Variants in PRRC2B observed in about 807,000 individuals in gnomAD.
PRRC2B encodes the protein proline rich coiled-coil 2B.
Under a neutral mutation model 242.3 loss-of-function variants are expected in PRRC2B, and 68 were observed. That is an observed-to-expected ratio of 0.28 (90% confidence interval 0.23 to 0.34). PRRC2B has a LOEUF of 0.34. Ranked by LOEUF, PRRC2B falls within the 10% of genes least tolerant of loss-of-function variation. PRRC2B has a pLI of 1.00. For synonymous variants in PRRC2B, 1,228 were observed against 1,173.6 expected, an observed-to-expected ratio of 1.05 and a Z score of -0.95; for missense variants, 2,835 against 2,954.8, an observed-to-expected ratio of 0.96 and a Z score of 0.94.
rs777138764 is a variant in PRRC2B, at chr9:131,470,935, C to G, written c.2059C>G (p.Pro687Ala). 2 of 1,612,348 alleles carry G rather than the reference C, an allele frequency of 1.2e-6. No individual in the cohort carries two copies. The highest frequency in any genetic ancestry group is 3.3e-5 in the Admixed American group (2 of 59,758). ...TTCCTACATGGACCCACGTATCACGCCCACTCGGACCCCGGTGGACTTCTA... is the reference window on the plus strand; with the variant it reads ...TTCCTACATGGACCCACGTATCACGGCCACTCGGACCCCGGTGGACTTCTA... ...MPSYMDPRIT[P>A]TRTPVDFYPS... The change falls in exon 14 of 32, where the codon CCC becomes GCC. Residue 687 changes from proline (P) to alanine (A), a missense_variant. Pro to Ala is a conservative substitution (Grantham distance 27). Coordinates refer to ENST00000683519, the MANE Select transcript of PRRC2B (RefSeq NM_013318.4).
chr9:131,390,305 C>G (rs1199445321), upstream of PRRC2B, among the ~76,000 whole-genome samples: 1 of 149,806 alleles, frequency 6.7e-6, no homozygotes, highest in African/African-American at 2.4e-5. Context: ...AGTGCAGGTG[C>G]CCAGTGAATG....
At position 131,476,593 on chromosome 9, in the gene PRRC2B, T is replaced by A. The variant is rs1167783302; in HGVS notation, c.4406+58T>A. 6.7e-6 allele frequency: 10 copies of A among 1,485,174 alleles called. No individual in the cohort carries two copies. The East Asian group carries it at 2.1e-4, about 31-fold the overall frequency. 92.0% of individuals were successfully genotyped at this position (1,485,174 alleles called of 1,614,324 possible). On this transcript the variant is annotated intron_variant, in intron 16 of 31. Transcript: ENST00000683519. ...TGTTGTGTTCTGTTCTCAGCAGCAC[T>A]GAGTTCACGCATGCATGCCGATGCC...
intron 4 of PRRC2B, among the ~76,000 whole-genome samples, chr9:131,438,462 A>T (rs1423532522): frequency 6.6e-6 from 1 of 152,118 alleles, no homozygotes; most frequent in African/African-American, 2.4e-5. Flanking sequence ...TAGGGTTCTC[A>T]GGAGGGGAGC....
chr9:131,416,896 G>T (rs1245286034), intron 1 of PRRC2B, among the ~76,000 whole-genome samples: 2 of 152,120 alleles, frequency 1.3e-5, no homozygotes, highest in Non-Finnish European at 2.9e-5. Context: ...TATTTCATGG[G>T]TGTGGTATCT....
chr9:131,388,239 C>CTTTTTT (rs536012324), intron 1 of PRRC2B, among the ~76,000 whole-genome samples: 5 of 121,114 alleles, frequency 4.1e-5, no homozygotes, highest in African/African-American at 5.9e-5. Context: ...TTTACTTTTA[C>CTTTTTT]TTTTTTTTTT....
intron 1 of PRRC2B, among the ~76,000 whole-genome samples, chr9:131,395,607 C>T (rs1289939839): frequency 6.6e-6 from 1 of 152,186 alleles, no homozygotes; most frequent in Non-Finnish European, 1.5e-5. Flanking sequence ...GTGGTTCCTC[C>T]TACGGTTGTT....
In PRRC2B at chr9:131,397,381, C is replaced by T. The variant is rs147661773; in HGVS notation, c.-52+3118C>T. 9.2e-3 allele frequency among the ~76,000 whole-genome samples: 1,396 copies of T among 152,250 alleles called. 26 individuals carry two copies. The highest frequency in any genetic ancestry group is 0.032 in the African/African-American group (1,346 of 41,544). Reference sequence around the variant, plus strand: ...TGGGGAAGGAAGAGCCAGGAAACCTCGGGAGAGTGGAATTTCAGGAATGGC... The same window carrying T: ...TGGGGAAGGAAGAGCCAGGAAACCTTGGGAGAGTGGAATTTCAGGAATGGC... On this transcript the variant is annotated intron_variant, in intron 1 of 31. Transcript: ENST00000683519.
chr9:131,392,029 C>T (rs547813072), upstream of PRRC2B, among the ~76,000 whole-genome samples: 1 of 152,206 alleles, frequency 6.6e-6, no homozygotes, highest in South Asian at 2.1e-4. Flanking sequence ...GGGTGAGCCA[C>T]CACGCTTGGC....
intron 1 of PRRC2B, among the ~76,000 whole-genome samples, chr9:131,379,877 G>C (rs1156497790): frequency 6.6e-6 from 1 of 151,452 alleles, no homozygotes; most frequent in Non-Finnish European, 1.5e-5. Flanking sequence ...ACCCGCCTCA[G>C]CCTCCCAAAG....
intron 28 of PRRC2B, among the ~76,000 whole-genome samples, chr9:131,489,935 T>C (rs1407384208): frequency 6.6e-6 from 1 of 151,798 alleles, no homozygotes; most frequent in Non-Finnish European, 1.5e-5. Context: ...CTCCTCAGTC[T>C]CCTTTGCTGT....
Position 131,491,836 on chromosome 9 carries a change from T to C in PRRC2B, c.6381+256T>C, listed in dbSNP as rs1229206125. On this transcript the variant is annotated intron_variant, in intron 29 of 31. Coordinates refer to ENST00000683519, the MANE Select transcript of PRRC2B (RefSeq NM_013318.4). ...CCCTGCTATGGACGGCCATGTTTCA[T>C]TGGCTCTCCCACTTCACTTTAAAAA... 3.3e-5 allele frequency among the ~76,000 whole-genome samples: 5 copies of C among 152,192 alleles called. No individual in the cohort carries two copies. The East Asian group carries it at 7.7e-4, about 23-fold the overall frequency.
chr9:131,422,758 G>T (rs535580596), intron 1 of PRRC2B, among the ~76,000 whole-genome samples: 4 of 152,306 alleles, frequency 2.6e-5, no homozygotes, highest in South Asian at 2.1e-4. Context: ...CGTTGTTGGC[G>T]AATCTTTCTG....
At chr9:131,400,970 T>C (rs1467303295) in intron 1 of PRRC2B, among the ~76,000 whole-genome samples, 1 of 151,382 alleles carries the variant, frequency 6.6e-6, no homozygotes, top group Non-Finnish European at 1.5e-5. Flanking sequence ...TTTCTTTTTT[T>C]TTTTTTTTGA....
intron 1 of PRRC2B, among the ~76,000 whole-genome samples, chr9:131,388,990 G>T (rs1268802067): frequency 6.7e-6 from 1 of 148,820 alleles, no homozygotes; most frequent in Non-Finnish European, 1.5e-5. Context: ...ACAAGTGCAT[G>T]CCGCCACTCC....
At position 131,496,076 on chromosome 9, in the gene PRRC2B, T is replaced by C. The variant is rs1403375508; in HGVS notation, c.*202T>C. On this transcript the variant is annotated 3_prime_UTR_variant, in exon 32 of 32. Coordinates refer to ENST00000683519, the MANE Select transcript of PRRC2B (RefSeq NM_013318.4). ...GATATATGGCATTGACCCGCTTGCTTTGATACGAAACAAAAAAGCAGACGA... is the reference window on the plus strand; with the variant it reads ...GATATATGGCATTGACCCGCTTGCTCTGATACGAAACAAAAAAGCAGACGA... 1 of 655,446 alleles carries C rather than the reference T, an allele frequency of 1.5e-6. No individual in the cohort carries two copies. Among genetic ancestry groups the C allele is most frequent in the African/African-American group, 1.8e-5 (1 of 54,992 alleles). The allele number at this position is 655,446 out of a possible 1,614,324, so 40.6% of individuals were successfully genotyped here.
At chr9:131,417,730 CT>C (rs1384672691) in intron 1 of PRRC2B, among the ~76,000 whole-genome samples, 1 of 152,140 alleles carries the variant, frequency 6.6e-6, no homozygotes, top group African/African-American at 2.4e-5. Context: ...CAGAAGCCCC[CT>C]GTATTCTAAA....
At chr9:131,374,130 C>A (rs928389251) in intron 1 of PRRC2B, among the ~76,000 whole-genome samples, 3 of 151,708 alleles carry the variant, frequency 2.0e-5, no homozygotes, top group African/African-American at 7.3e-5. Context: ...ATTTCAGTCA[C>A]CCTGATTCGT....
intron 1 of PRRC2B, among the ~76,000 whole-genome samples, chr9:131,381,488 G>A (rs1295533393): frequency 1.5e-4 from 22 of 142,064 alleles, no homozygotes; most frequent in Non-Finnish European, 2.4e-4. Flanking sequence ...GTGCGATCTC[G>A]GCTCGCTGCA....
At chr9:131,441,949 G>T (rs1213500524) in intron 5 of PRRC2B, among the ~76,000 whole-genome samples, 2 of 149,478 alleles carry the variant, frequency 1.3e-5, no homozygotes, top group East Asian at 4.0e-4. Context: ...AAAACATTGG[G>T]ACCTTATGAA....
Sources: allele counts gnomAD v4.1 joint callset (sites outside exome capture counted in the v4.1 genomes callset), GRCh38; gene constraint gnomAD v4.1.1; transcripts MANE v1.5; gene names NCBI Gene and HGNC (gene_info 2026-07-23, HGNC 2026-07-21).